The following AP4M1 variants were observed in gnomAD, a reference collection of about 807,000 sequenced individuals.
The protein encoded by AP4M1 is AP-4 complex subunit mu-1.
In AP4M1, 58 loss-of-function variants were observed where a neutral mutation model predicts 62.4. The ratio of observed to expected loss-of-function variants is 0.93; its 90% CI spans 0.75 to 1.16. The LOEUF is 1.16. AP4M1 is among the 50% of genes most tolerant of loss of function. AP4M1 has a pLI of 0.00. For missense variants in AP4M1, 626 were observed against 585.4 expected, an observed-to-expected ratio of 1.07 and a Z score of -0.72; for synonymous variants, 290 against 239.7, an observed-to-expected ratio of 1.21 and a Z score of -1.94.
chr7:100,102,967 A>G lies in AP4M1; in HGVS notation c.351+7A>G. On this transcript the variant is annotated splice_region_variant and intron_variant, in intron 4 of 14. Transcript: ENST00000359593. ...ACTCCTGGATGAAGTGCTGGTGAGA[A>G]TCAACAATCCCCTTCTGTGGCCCCT... 6.2e-7 allele frequency: 1 copy of G among 1,612,206 alleles called. No individual in the cohort carries two copies. The highest frequency in any genetic ancestry group is 1.1e-5 in the South Asian group (1 of 91,014).
intron 4 of AP4M1, 112 bp from the exon 5 acceptor site, chr7:100,103,297 C>T (rs908461035): frequency 8.6e-6 from 8 of 928,428 alleles, no homozygotes; most frequent in South Asian, 2.7e-5. Context: ...TCCTACGTCT[C>T]GGCCTTCCAA....
At chr7:100,104,596 C>T (rs187402728) in intron 7 of AP4M1, among the ~76,000 whole-genome samples, 129 of 152,212 alleles carry the variant, frequency 8.5e-4, no homozygotes, top group Admixed American at 2.6e-3. Flanking sequence ...TTTGAGAGGC[C>T]GAGGTGGGTG....
At chr7:100,102,025 C>T (rs1229256587) in intron 2 of AP4M1, 57 bp downstream of exon 2, 2 of 1,583,752 alleles carry the variant, frequency 1.3e-6, no homozygotes, top group East Asian at 4.5e-5. Flanking sequence ...GGGTGGGCGC[C>T]AGCTCCCTCC....
In AP4M1 at chr7:100,105,366, C is replaced by T. The variant is rs1381143400; in HGVS notation, c.834+20C>T. Reference sequence around the variant, plus strand: ...GGCGAGGTCAGGGTTGGGGTGGCCTCATAAATTCCGTCCACCATGGGGAAG... The same window carrying T: ...GGCGAGGTCAGGGTTGGGGTGGCCTTATAAATTCCGTCCACCATGGGGAAG... On this transcript the variant is annotated intron_variant, in intron 10 of 14. Transcript: ENST00000359593. 3 of 1,613,594 alleles carry T rather than the reference C, an allele frequency of 1.9e-6. No individual in the cohort carries two copies. The highest frequency in any genetic ancestry group is 1.1e-5 in the South Asian group (1 of 91,070).
chr7:100,103,725 G>C (rs1161256104), intron 6 of AP4M1, 33 bp downstream of exon 6: 7 of 1,605,102 alleles, frequency 4.4e-6, no homozygotes, highest in Non-Finnish European at 5.9e-6. Context: ...CAGACGCTCT[G>C]GTTTTGCTCT....
rs1562909437 is a variant in AP4M1, at chr7:100,105,230, CTCTT to C, written c.728-7_728-4del. ...AGTCAGGAGAGAAGTCTCTCTCTCT[CTCTT>C]TCCAGGTTATGGGCCAGGAATCCGG... On this transcript the variant is annotated splice_region_variant and splice_polypyrimidine_tract_variant and intron_variant, in intron 9 of 14. Transcript: ENST00000359593. 2 of 1,614,056 alleles carry C rather than the reference CTCTT, an allele frequency of 1.2e-6. No individual in the cohort carries two copies. Among genetic ancestry groups the C allele is most frequent in the South Asian group, 1.1e-5 (1 of 91,082 alleles).
At chr7:100,102,404 G>A in intron 2 of AP4M1, 1 of 483,880 alleles carries the variant, frequency 2.1e-6, no homozygotes, top group Admixed American at 3.8e-5. Context: ...GTAGGTGGGG[G>A]TGGGGAAAAA....
Position 100,108,071 on chromosome 7 carries a change from G to C in AP4M1, c.*1189G>C. 6.2e-7 allele frequency: 1 copy of C among 1,612,102 alleles called. No homozygotes were observed. Among genetic ancestry groups the C allele is most frequent in the Non-Finnish European group, 8.5e-7 (1 of 1,179,580 alleles). On this transcript the variant is annotated 3_prime_UTR_variant, in exon 15 of 15. Coordinates refer to ENST00000359593, the MANE Select transcript of AP4M1 (RefSeq NM_004722.4). ...GGAGCCAGGAACCTTCAGCAAGCCA[G>C]GGGTGCGAGGGCCAGGCTGTGGGGC...
chr7:100,101,354 C>T, upstream of AP4M1: 1 of 1,607,892 alleles, frequency 6.2e-7, no homozygotes, highest in Admixed American at 1.7e-5. Flanking sequence ...CCTGGGGAAG[C>T]TGAGAATCTC....
At chr7:100,102,132 G>A (rs1796094753) in intron 2 of AP4M1, 164 bp downstream of exon 2, 11 of 771,762 alleles carry the variant, frequency 1.4e-5, no homozygotes, top group Middle Eastern at 7.4e-4. Flanking sequence ...TGTAATCCCA[G>A]CACTTTGGGA....
upstream of AP4M1, chr7:100,100,851 T>A: frequency 9.8e-7 from 1 of 1,021,478 alleles, no homozygotes; most frequent in South Asian, 4.0e-5. Context: ...GGCCCCGGCC[T>A]GCCCGCCCCC....
chr7:100,101,669 G>A lies in AP4M1; in HGVS notation c.-46G>A. 2 of 1,565,558 alleles carry A rather than the reference G, an allele frequency of 1.3e-6. No individual in the cohort carries two copies. The highest frequency in any genetic ancestry group is 1.8e-6 in the Non-Finnish European group (2 of 1,136,782). On this transcript the variant is annotated 5_prime_UTR_variant, in exon 1 of 15. Coordinates refer to ENST00000359593, the MANE Select transcript of AP4M1 (RefSeq NM_004722.4). ...TTTTGTTCCGGGGCCGCAGGGCGGG[G>A]CAGGCCCGACTTTCGCCGTCTTCTT...
Position 100,102,958 on chromosome 7 carries a change from C to G in AP4M1, c.349C>G (p.Leu117Val), listed in dbSNP as rs143917001. The G allele has an allele frequency of 6.2e-7, 1 of 1,613,188 alleles. No homozygotes were observed. Among genetic ancestry groups the G allele is most frequent in the Non-Finnish European group, 8.5e-7 (1 of 1,179,396 alleles). Residue 117 changes from leucine (L) to valine (V), a missense_variant and splice_region_variant, in exon 4 of 15, where the codon CTG becomes GTG. By Grantham distance (32) the Leu-to-Val change is conservative. Transcript: ENST00000359593. The stretch of plus-strand genomic sequence containing the variant: ...GGTATACGAACTCCTGGATGAAGTG[C>G]TGGTGAGAATCAACAATCCCCTTCT... ...ALVYELLDEV[L>V]DYGYVQTTST...
chr7:100,100,859 C>G, upstream of AP4M1: 1 of 1,031,584 alleles, frequency 9.7e-7, no homozygotes, highest in South Asian at 3.8e-5. Flanking sequence ...CCTGCCCGCC[C>G]CCGGGGCCTA....
At position 100,105,548 on chromosome 7, in the gene AP4M1, A is replaced by G. The variant is rs1796395789; in HGVS notation, c.929+9A>G. ...GACCGAGGCTCAGGCCGGTGAGACAATTTCCTGGGTTCTAGAACTACCTTG... is the reference window on the plus strand; with the variant it reads ...GACCGAGGCTCAGGCCGGTGAGACAGTTTCCTGGGTTCTAGAACTACCTTG... On this transcript the variant is annotated intron_variant, in intron 11 of 14. Coordinates refer to ENST00000359593, the MANE Select transcript of AP4M1 (RefSeq NM_004722.4). 2 of 1,610,386 alleles carry G rather than the reference A, an allele frequency of 1.2e-6. No individual in the cohort carries two copies. Among genetic ancestry groups the G allele is most frequent in the Non-Finnish European group, 1.7e-6 (2 of 1,178,544 alleles).
At chr7:100,103,202 C>T in intron 4 of AP4M1, 1 of 664,278 alleles carries the variant, frequency 1.5e-6, no homozygotes, top group South Asian at 1.7e-5. Flanking sequence ...CTCCCCTGTG[C>T]CTAGCTAATT....
At position 100,102,915 on chromosome 7, in the gene AP4M1, C is replaced by T. The variant is rs751455337; in HGVS notation, c.306C>T (p.Ile102=). 4.3e-6 allele frequency: 7 copies of T among 1,614,132 alleles called. No individual in the cohort carries two copies. The highest frequency in any genetic ancestry group is 5.9e-6 in the Non-Finnish European group (7 of 1,180,026). Residue 102 remains isoleucine, a synonymous_variant, in exon 4 of 15, where the codon ATC becomes ATT. Transcript: ENST00000359593. ...DYCGSLGEGT[I]SRNVALVYEL... ...GTGGCTCCCTGGGCGAGGGGACCAT[C>T]TCCCGCAATGTGGCTCTGGTATACG...
At position 100,104,213 on chromosome 7, in the gene AP4M1, G is replaced by T. The variant is rs1389294117; in HGVS notation, c.606+59G>T. 9.4e-6 allele frequency: 14 copies of T among 1,493,688 alleles called. No homozygotes were observed. In the Admixed American group the frequency reaches 1.5e-4, roughly 16 times the overall value. 92.5% of individuals were successfully genotyped at this position (1,493,688 alleles called of 1,614,324 possible). ...CAGATGGGACTTGGGAAACATGGTG[G>T]GGTGGCTAAGACTCCCAGCAACGGC... On this transcript the variant is annotated intron_variant, in intron 7 of 14. Coordinates refer to ENST00000359593, the MANE Select transcript of AP4M1 (RefSeq NM_004722.4).
rs1186395801 is a variant in AP4M1, at chr7:100,108,559, G to C, written c.*1677G>C. Reference sequence around the variant, plus strand: ...AGTGTTTCTGCAGAACAGAAAAAAAGCCAGGTAGAGGGAGGGCTGGGGAAA... The same window carrying C: ...AGTGTTTCTGCAGAACAGAAAAAAACCCAGGTAGAGGGAGGGCTGGGGAAA... On this transcript the variant is annotated 3_prime_UTR_variant, in exon 15 of 15. Coordinates refer to ENST00000359593, the MANE Select transcript of AP4M1 (RefSeq NM_004722.4). 1.3e-6 allele frequency: 2 copies of C among 1,580,454 alleles called. No homozygotes were observed. The highest frequency in any genetic ancestry group is 1.7e-6 in the Non-Finnish European group (2 of 1,158,038).
Sources: allele counts gnomAD v4.1 joint callset (sites outside exome capture counted in the v4.1 genomes callset), GRCh38; gene constraint gnomAD v4.1.1; transcripts MANE v1.5; gene names NCBI Gene and HGNC (gene_info 2026-07-23, HGNC 2026-07-21).